KLRG1: variants seen among roughly 807,000 people sequenced by gnomAD.
The protein encoded by KLRG1 is killer cell lectin-like receptor subfamily G member 1.
KLRG1 carries 16 observed loss-of-function variants against 21.8 expected under a neutral mutation model. The ratio of observed to expected loss-of-function variants is 0.73; its 90% CI spans 0.50 to 1.11. The LOEUF (loss-of-function observed/expected upper bound fraction) is 1.11, where lower values mean the gene tolerates loss of function less well. Among genes scored for constraint, KLRG1 ranks in the 50% most tolerant of loss-of-function variants. The pLI is 0.00. For missense variants in KLRG1, 173 were observed against 218.3 expected (o/e 0.79, Z 1.31); for synonymous variants, 69 against 75.9 (o/e 0.91, Z 0.47).
At chr12:8,974,503 G>C (rs1946624884) in intron 1 of KLRG1, among the ~76,000 whole-genome samples, 1 of 128,088 alleles carries the variant, frequency 7.8e-6, no homozygotes, top group African/African-American at 2.6e-5. Context: ...GATGTTAGCT[G>C]TGGGCTTCTT....
chr12:9,153,453 A>G, the KLRG1 span: 2 of 754,990 alleles, frequency 2.6e-6, no homozygotes, highest in South Asian at 1.8e-5. Context: ...TTTTACCCCT[A>G]AGGTAGATCT....
chr12:9,111,984 C>T, the KLRG1 span: 1 of 776,444 alleles, frequency 1.3e-6, no homozygotes, highest in Non-Finnish European at 2.4e-6. Flanking sequence ...AAAGAATTAC[C>T]TACTTTCTTT....
intron 3 of KLRG1, among the ~76,000 whole-genome samples, chr12:9,004,806 T>C (rs187157911): frequency 6.6e-6 from 1 of 151,634 alleles, no homozygotes; most frequent in East Asian, 1.9e-4. Context: ...TAATTTTATA[T>C]ATTTTTCTAG....
At chr12:8,966,138 T>TGG (rs1946467808) in intron 1 of KLRG1, among the ~76,000 whole-genome samples, 1 of 152,164 alleles carries the variant, frequency 6.6e-6, no homozygotes, top group African/African-American at 2.4e-5. Flanking sequence ...TAGCCATACA[T>TGG]AGAAAGCTGA....
the KLRG1 span, chr12:9,090,478 C>T: frequency 6.2e-7 from 1 of 1,613,838 alleles, no homozygotes; most frequent in Middle Eastern, 1.7e-4. Context: ...CAGCTGCACA[C>T]TGACCTGAAA....
chr12:9,123,937 G>A, the KLRG1 span, among the ~76,000 whole-genome samples: 1 of 150,008 alleles, frequency 6.7e-6, no homozygotes, highest in African/African-American at 2.5e-5. Flanking sequence ...GGGTTATGTC[G>A]AAAGGACTCA....
At chr12:9,125,601 T>G in the KLRG1 span, among the ~76,000 whole-genome samples, 1 of 152,248 alleles carries the variant, frequency 6.6e-6, no homozygotes, top group African/African-American at 2.4e-5. Flanking sequence ...TTCTGAAATA[T>G]TATACATTGC....
At chr12:8,999,170 A>T (rs1278954157) in intron 3 of KLRG1, among the ~76,000 whole-genome samples, 1 of 152,002 alleles carries the variant, frequency 6.6e-6, no homozygotes, top group Non-Finnish European at 1.5e-5. Context: ...TTCTTGCCCT[A>T]TGAGTATATC....
Position 8,989,734 on chromosome 12 carries a change from A to G in KLRG1, c.82+17A>G, listed in dbSNP as rs1946912217. ...AGCAAAAATGTGAGTTAACCAAGGT[A>G]GCATGGAAGACGATGCATAGCAACA... is the stretch of plus-strand genomic sequence containing the variant. On this transcript the variant is annotated intron_variant, in intron 1 of 4. Transcript: ENST00000356986. 6 of 1,511,946 alleles carry G rather than the reference A, an allele frequency of 4.0e-6. No individual in the cohort carries two copies. Among genetic ancestry groups the G allele is most frequent in the Non-Finnish European group, 4.6e-6 (5 of 1,091,662 alleles). 93.7% of individuals were successfully genotyped at this position (1,511,946 alleles called of 1,614,324 possible).
the KLRG1 span, chr12:9,106,300 A>T: frequency 6.2e-7 from 1 of 1,613,620 alleles, no homozygotes; most frequent in Non-Finnish European, 8.5e-7. Flanking sequence ...GAGTTTGGTT[A>T]TGGTTCTTGT....
the KLRG1 span, chr12:9,068,238 A>G: frequency 6.2e-7 from 1 of 1,604,964 alleles, no homozygotes. Flanking sequence ...AAAAAAAAAA[A>G]ACCAACAAAA....
At chr12:9,068,128 G>T in the KLRG1 span, 1 of 1,581,044 alleles carries the variant, frequency 6.3e-7, no homozygotes. Context: ...GAGAAGGTTT[G>T]GGGGGCAAGC....
chr12:8,964,286 A>C (rs755247513), intron 1 of KLRG1, among the ~76,000 whole-genome samples: 1 of 152,020 alleles, frequency 6.6e-6, no homozygotes, highest in African/African-American at 2.4e-5. Flanking sequence ...CCTTCATTTC[A>C]TTATTTACCC....
the KLRG1 span, chr12:9,169,095 T>G: frequency 2.8e-5 from 19 of 677,952 alleles, no homozygotes; most frequent in Non-Finnish European, 4.0e-5. Flanking sequence ...GGCGAAACAC[T>G]TGACAGTAAA....
At chr12:8,971,353 T>C (rs1158826983) in intron 1 of KLRG1, 1 of 151,596 alleles carries the variant, frequency 6.6e-6, no homozygotes, top group Non-Finnish European at 1.5e-5. Context: ...TTAATCTAAC[T>C]TGTTAAATTT....
the KLRG1 span, among the ~76,000 whole-genome samples, chr12:9,195,629 T>C: frequency 6.8e-6 from 1 of 147,144 alleles, no homozygotes; most frequent in Non-Finnish European, 1.5e-5. Flanking sequence ...TTTTTTTTTT[T>C]TTTTTGCAGA....
the KLRG1 span, among the ~76,000 whole-genome samples, chr12:9,026,371 A>G: frequency 2.6e-5 from 4 of 152,246 alleles, no homozygotes; most frequent in African/African-American, 9.6e-5. Flanking sequence ...GCCAAAACAA[A>G]AATGTTAATA....
At chr12:9,060,186 T>C in the KLRG1 span, among the ~76,000 whole-genome samples, 2 of 144,030 alleles carry the variant, frequency 1.4e-5, no homozygotes, top group Non-Finnish European at 3.0e-5. Flanking sequence ...TTGTATTTTG[T>C]TTGTTTGTTT....
At chr12:9,067,491 C>G in the KLRG1 span, 10 of 377,600 alleles carry the variant, frequency 2.6e-5, no homozygotes, top group African/African-American at 2.1e-4. Flanking sequence ...ATTCCCATAA[C>G]CAAACACACT....
Sources: gnomAD v4.1 joint callset for allele counts (sites outside exome capture counted in the v4.1 genomes callset) on GRCh38, gnomAD v4.1.1 for gene constraint, MANE v1.5 for transcripts, NCBI Gene and HGNC (gene_info 2026-07-23, HGNC 2026-07-21) for gene names.